TMEM9: variants seen among roughly 807,000 people sequenced by gnomAD.
The protein encoded by TMEM9 is proton-transporting V-type ATPase complex assembly regulator TMEM9.
A neutral mutation model predicts 22.8 loss-of-function variants in TMEM9; 13 were observed. That is an observed-to-expected ratio of 0.57 (90% CI 0.37 to 0.91). The LOEUF (loss-of-function observed/expected upper bound fraction) is 0.91. TMEM9 is among the 40% of genes least tolerant of loss of function. TMEM9 has a pLI of 0.01. For synonymous variants in TMEM9, 88 were observed against 93.0 expected (o/e 0.95, Z 0.31); for missense variants, 182 against 238.1 (o/e 0.76, Z 1.55).
At position 201,141,325 on chromosome 1, in the gene TMEM9, C is replaced by CA. The variant is rs754043492; in HGVS notation, c.399+2494dup. On this transcript the variant is annotated intron_variant, in intron 4 of 4. Coordinates refer to ENST00000367330, the MANE Select transcript of TMEM9 (RefSeq NM_001288565.2). ...GTCTGTGCAAATCTCAACACTGTGC[C>CA]ACCTGCAGGTTTTCTGAATACACTG... 5.9e-5 allele frequency among the ~76,000 whole-genome samples: 9 copies of CA among 152,306 alleles called. No individual in the cohort carries two copies. The East Asian group carries it at 1.4e-3, about 23-fold the overall frequency.
chr1:201,159,703 C>T (rs144297832), intron 1 of TMEM9, among the ~76,000 whole-genome samples: 136 of 151,944 alleles, frequency 9.0e-4, no homozygotes, highest in African/African-American at 3.2e-3. Context: ...TAAGCCCGTA[C>T]GCCTGTCTGA....
intron 4 of TMEM9, among the ~76,000 whole-genome samples, chr1:201,138,991 C>T (rs1214766566): frequency 7.9e-5 from 12 of 152,208 alleles, no homozygotes; most frequent in Non-Finnish European, 1.5e-4. Flanking sequence ...GGAACCAATG[C>T]TCAGGACATC....
intron 2 of TMEM9, among the ~76,000 whole-genome samples, chr1:201,148,535 C>T (rs6427882): frequency 0.74 from 112,692 of 152,156 alleles, 41,852 homozygotes; most frequent in Non-Finnish European, 0.77. Flanking sequence ...ATACCCTGGG[C>T]CCGTTCTCTT....
rs1002294835 is a variant in TMEM9, at chr1:201,136,368, G to A, written c.400-553C>T. Among the ~76,000 whole-genome samples the A allele has an allele frequency of 2.0e-5, 3 of 152,168 alleles. No individual in the cohort carries two copies. The East Asian group carries it at 5.8e-4, about 29-fold the overall frequency. Reference sequence around the variant, plus strand: ...ACAGGAAGAAGGCCCAGGGGCTAGGGTCTGGCTACCCTGAGATGGCAACAC... The same window carrying A: ...ACAGGAAGAAGGCCCAGGGGCTAGGATCTGGCTACCCTGAGATGGCAACAC... On this transcript the variant is annotated intron_variant, in intron 4 of 4. Coordinates refer to ENST00000367330, the MANE Select transcript of TMEM9 (RefSeq NM_001288565.2).
chr1:201,152,615 C>T (rs1425273024), intron 1 of TMEM9, among the ~76,000 whole-genome samples: 3 of 152,212 alleles, frequency 2.0e-5, no homozygotes, highest in Admixed American at 6.5e-5. Context: ...TAGGACTTTA[C>T]ACTTACAGGG....
intron 1 of TMEM9, among the ~76,000 whole-genome samples, chr1:201,166,866 G>C (rs1271414395): frequency 6.6e-6 from 1 of 152,194 alleles, no homozygotes; most frequent in South Asian, 2.1e-4. Context: ...CCCTGGTTCT[G>C]CCGCAGCTCT....
intron 1 of TMEM9, among the ~76,000 whole-genome samples, chr1:201,153,236 G>A (rs1186937464): frequency 6.6e-6 from 1 of 152,198 alleles, no homozygotes; most frequent in African/African-American, 2.4e-5. Context: ...TATGTGTAAC[G>A]TAAGAAAATA....
intron 1 of TMEM9, among the ~76,000 whole-genome samples, chr1:201,166,118 G>C (rs973636273): frequency 2.0e-5 from 3 of 151,948 alleles, no homozygotes; most frequent in Non-Finnish European, 2.9e-5. Context: ...TAAAATCCCC[G>C]GCAAACCTTT....
chr1:201,150,296 C>T (rs1045267579), intron 2 of TMEM9, among the ~76,000 whole-genome samples: 4 of 152,172 alleles, frequency 2.6e-5, no homozygotes, highest in Admixed American at 1.3e-4. Context: ...AGGAGGAGCC[C>T]ATTTTCTCAG....
rs886784215 is a variant in TMEM9, at chr1:201,164,901, T to C, written c.-37+6589A>G. Among the ~76,000 whole-genome samples the C allele has an allele frequency of 2.0e-5, 3 of 151,838 alleles. No homozygotes were observed. In the East Asian group the frequency reaches 5.8e-4, roughly 29 times the overall value. On this transcript the variant is annotated intron_variant, in intron 1 of 5. Coordinates refer to the TMEM9 transcript ENST00000367333. Reference sequence around the variant, plus strand: ...TTTGCTTGCGTCACAAGTTGATCCATTAACCGATTATTGTGGCCAGGTTGA... The same window carrying C: ...TTTGCTTGCGTCACAAGTTGATCCACTAACCGATTATTGTGGCCAGGTTGA...
At chr1:201,169,448 T>C (rs1666161806) in intron 1 of TMEM9, among the ~76,000 whole-genome samples, 1 of 152,222 alleles carries the variant, frequency 6.6e-6, no homozygotes, top group Non-Finnish European at 1.5e-5. Context: ...GGGTGCTCTG[T>C]TCCATGTTAC....
At chr1:201,145,476 G>A (rs1044684667) in intron 3 of TMEM9, 30 of 152,430 alleles carry the variant, frequency 2.0e-4, no homozygotes, top group African/African-American at 6.8e-4. Flanking sequence ...AGAACACAGA[G>A]GAGCTACAGC....
At chr1:201,146,991 T>TAAAGG (rs1665032302) in intron 2 of TMEM9, 143 bp from the exon 3 acceptor site, 2 of 686,470 alleles carry the variant, frequency 2.9e-6, no homozygotes, top group South Asian at 3.6e-5. Flanking sequence ...CAAGGGCTTA[T>TAAAGG]AAAGGATTAG....
intron 1 of TMEM9, among the ~76,000 whole-genome samples, chr1:201,163,296 AAT>A (rs1491360248): frequency 1.3e-5 from 2 of 151,646 alleles, no homozygotes; most frequent in Non-Finnish European, 2.9e-5. Context: ...CAAATAAAAA[AAT>A]AAAAAACAAG....
intron 1 of TMEM9, among the ~76,000 whole-genome samples, chr1:201,168,513 G>A (rs10920137): frequency 0.028 from 4,216 of 152,296 alleles, 183 homozygotes; most frequent in African/African-American, 0.097. Flanking sequence ...GAGGTCAGGA[G>A]TTCAAGATCA....
chr1:201,153,894 G>A lies in TMEM9; in HGVS notation c.30C>T (p.Val10=), dbSNP rs368730635. The change falls in exon 1 of 5, where the codon GTC becomes GTT. Residue 10 remains valine, a synonymous_variant. Transcript: ENST00000367330. MKLLSLVAV[V]GCLLVPPAEA... ...CAGCTGGGGGCACCAGCAAACACCC[G>A]ACCACAGCCACCAAAGATAAGAGCT... The A allele has an allele frequency of 3.7e-6, 6 of 1,613,778 alleles. No individual in the cohort carries two copies. Among genetic ancestry groups the A allele is most frequent in the South Asian group, 1.1e-5 (1 of 91,044 alleles).
intron 4 of TMEM9, among the ~76,000 whole-genome samples, chr1:201,136,961 G>C (rs992850153): frequency 3.9e-5 from 6 of 152,252 alleles, no homozygotes; most frequent in Admixed American, 6.5e-5. Flanking sequence ...GGTGAGGTGA[G>C]GGTAGGGTGG....
chr1:201,146,548 A>G, intron 3 of TMEM9, 192 bp downstream of exon 3: 1 of 686,980 alleles, frequency 1.5e-6, no homozygotes, highest in Non-Finnish European at 2.7e-6. Context: ...CTGGAAAGAG[A>G]GCAGAGAAGG....
At chr1:201,164,379 T>G (rs1666021241) in intron 1 of TMEM9, among the ~76,000 whole-genome samples, 1 of 152,238 alleles carries the variant, frequency 6.6e-6, no homozygotes, top group Non-Finnish European at 1.5e-5. Flanking sequence ...TTGTATATTA[T>G]TTCTTATAAC....
Sources: allele counts gnomAD v4.1 joint callset (sites outside exome capture counted in the v4.1 genomes callset), GRCh38; gene constraint gnomAD v4.1.1; transcripts MANE v1.5; gene names NCBI Gene and HGNC (gene_info 2026-07-23, HGNC 2026-07-21).